PTGER4: variants seen among roughly 807,000 people sequenced by gnomAD.
The protein encoded by PTGER4 is prostaglandin E2 receptor EP4 subtype.
In PTGER4, 11 loss-of-function variants were observed where a neutral mutation model predicts 33.2. The observed-to-expected ratio is 0.33, with a 90% CI of 0.21 to 0.55. PTGER4 has a LOEUF of 0.55. PTGER4 is among the 20% of genes least tolerant of loss of function. The pLI is 0.92. For synonymous variants in PTGER4, 275 were observed against 281.5 expected, an observed-to-expected ratio of 0.98 and a Z score of 0.23; for missense variants, 481 against 650.2, an observed-to-expected ratio of 0.74 and a Z score of 2.83.
rs2111781809 is a variant in PTGER4 at position 40,681,117 on chromosome 5, C to T, written c.124C>T (p.Leu42=). Residue 42 remains leucine, a synonymous_variant, in exon 2 of 3, where the codon CTG becomes TTG. Transcript: ENST00000302472. The surrounding 1 kb of genome is among the most constrained non-coding windows in gnomAD (Gnocchi z 9.8). Reference sequence around the variant, plus strand: ...GGGCAACCTGGTGGCCATCGTGGTGCTGTGCAAGTCGCGCAAGGAGCAGAA... The same window carrying T: ...GGGCAACCTGGTGGCCATCGTGGTGTTGTGCAAGTCGCGCAAGGAGCAGAA... The part of the protein sequence containing the change: ...VVGNLVAIVV[L]CKSRKEQKET... The T allele has an allele frequency of 6.2e-7, 1 of 1,614,148 alleles. No individual in the cohort carries two copies.
At chr5:40,698,309 T>A (rs1334465338), downstream of PTGER4, among the ~76,000 whole-genome samples, 2 of 151,752 alleles carry the variant, frequency 1.3e-5, no homozygotes, top group African/African-American at 2.4e-5. Context: ...ATCATCATCA[T>A]AAACATAGAT....
the PTGER4 span, among the ~76,000 whole-genome samples, chr5:40,710,446 T>C: frequency 6.7e-6 from 1 of 149,900 alleles, no homozygotes; most frequent in Non-Finnish European, 1.5e-5. Flanking sequence ...GGAGAGGATG[T>C]GGAGAAATAG....
At position 40,692,259 on chromosome 5, in the gene PTGER4, A is replaced by T; in HGVS notation, c.1348A>T (p.Ser450Cys). Residue 450 changes from serine (S) to cysteine (C), a missense_variant, in exon 3 of 3, where the codon AGT becomes TGT. By Grantham distance (112) the Ser-to-Cys change is moderately radical (BLOSUM62 -1). This residue lies in a region of PTGER4 where 172 missense variants were observed against 199.2 expected (regional missense o/e 0.86). Coordinates refer to ENST00000302472, the MANE Select transcript of PTGER4 (RefSeq NM_000958.3). ...SDSSQGQDSE[S>C]VLLVDEAGGS... ...CTCTTCACAGGGTCAGGACTCAGAG[A>T]GTGTCTTACTGGTGGATGAGGCTGG... The T allele has an allele frequency of 1.9e-6, 3 of 1,614,226 alleles. No homozygotes were observed. The highest frequency in any genetic ancestry group is 2.5e-6 in the Non-Finnish European group (3 of 1,180,036).
chr5:40,731,889 C>T, the PTGER4 span, among the ~76,000 whole-genome samples: 1 of 152,228 alleles, frequency 6.6e-6, no homozygotes, highest in African/African-American at 2.4e-5. Context: ...GACCACATAG[C>T]AACACTTATA....
At chr5:40,741,403 G>A in the PTGER4 span, among the ~76,000 whole-genome samples, 1 of 152,196 alleles carries the variant, frequency 6.6e-6, no homozygotes, top group African/African-American at 2.4e-5. Context: ...CGCTCTGTAT[G>A]AACGCTACGA....
Position 40,681,036 on chromosome 5 carries a change from G to C in PTGER4, c.43G>C (p.Asp15His), listed in dbSNP as rs774159812. The change falls in exon 2 of 3, where the codon GAC becomes CAC. Residue 15 changes from aspartate (D) to histidine (H), a missense_variant. By Grantham distance (81) the Asp-to-His change is moderately conservative. Coordinates refer to ENST00000302472, the MANE Select transcript of PTGER4 (RefSeq NM_000958.3). The surrounding 1 kb of genome is among the most constrained non-coding windows in gnomAD (Gnocchi z 9.8). ...GVNSSASLSP[D>H]RLNSPVTIPA... ...CAATTCGTCCGCCTCCTTGAGCCCC[G>C]ACCGGCTGAACAGCCCAGTGACCAT... 6.2e-7 allele frequency: 1 copy of C among 1,613,892 alleles called. No homozygotes were observed. Among genetic ancestry groups the C allele is most frequent in the Non-Finnish European group, 8.5e-7 (1 of 1,179,974 alleles).
At chr5:40,720,008 C>G in the PTGER4 span, among the ~76,000 whole-genome samples, 1 of 152,058 alleles carries the variant, frequency 6.6e-6, no homozygotes, top group African/African-American at 2.4e-5. Context: ...ACTTTCTTGA[C>G]AGTAACTTTT....
In PTGER4 at chr5:40,691,822, G is replaced by C; in HGVS notation, c.911G>C (p.Arg304Pro). Residue 304 changes from arginine (R) to proline (P), a missense_variant, in exon 3 of 3, where the codon CGA (arginine) becomes CCA (proline). Arg to Pro is a moderately radical substitution (Grantham distance 103, BLOSUM62 -2). Transcript: ENST00000302472. The surrounding 1 kb of genome is among the most constrained non-coding windows in gnomAD (Gnocchi z 4.2). The part of the protein sequence containing the change: ...VNQLYQPSLE[R>P]EVSKNPDLQA... ...CAGTTATATCAGCCAAGTTTGGAGCGAGAAGTCAGTAAAAATCCAGATTTG... is the reference window on the plus strand; with the variant it reads ...CAGTTATATCAGCCAAGTTTGGAGCCAGAAGTCAGTAAAAATCCAGATTTG... 6.2e-7 allele frequency: 1 copy of C among 1,614,160 alleles called. No homozygotes were observed. The highest frequency in any genetic ancestry group is 1.1e-5 in the South Asian group (1 of 91,084).
the PTGER4 span, among the ~76,000 whole-genome samples, chr5:40,725,979 G>A: frequency 6.6e-6 from 1 of 151,584 alleles, no homozygotes; most frequent in Admixed American, 6.6e-5. Flanking sequence ...TAGAGACGGG[G>A]TTTCACCGTG....
chr5:40,740,764 C>A, the PTGER4 span, among the ~76,000 whole-genome samples: 25 of 152,270 alleles, frequency 1.6e-4, no homozygotes, highest in African/African-American at 6.0e-4. Context: ...ATAGCTCTCC[C>A]AGATTTACTC....
chr5:40,734,538 G>A, the PTGER4 span, among the ~76,000 whole-genome samples: 1 of 152,194 alleles, frequency 6.6e-6, no homozygotes, highest in Non-Finnish European at 1.5e-5. Flanking sequence ...GCCCTATACT[G>A]AGGTAAAGAA....
At chr5:40,728,601 T>TA in the PTGER4 span, 1 of 845,270 alleles carries the variant, frequency 1.2e-6, no homozygotes, top group East Asian at 2.9e-5. Flanking sequence ...CGGTGATTTT[T>TA]ACCCCTTACT....
the PTGER4 span, among the ~76,000 whole-genome samples, chr5:40,738,967 A>G: frequency 4.6e-5 from 7 of 152,284 alleles, no homozygotes; most frequent in East Asian, 1.3e-3. Context: ...AGATATATGG[A>G]CTGGAAATAT....
At chr5:40,697,234 GAAAGAAAGAAAGAA>G (rs372059891), downstream of PTGER4, among the ~76,000 whole-genome samples, 9,562 of 73,578 alleles carry the variant, frequency 0.13, 466 homozygotes, top group Non-Finnish European at 0.13. Context: ...AGAAAAGAAA[GAAAGAAAGAAAGAA>G]AGAAAGAAAG....
chr5:40,707,346 C>G, the PTGER4 span, among the ~76,000 whole-genome samples: 2 of 151,726 alleles, frequency 1.3e-5, no homozygotes, highest in Non-Finnish European at 1.5e-5. Context: ...ATCTACCAAG[C>G]AAATGGAAAA....
the PTGER4 span, among the ~76,000 whole-genome samples, chr5:40,701,673 T>C: frequency 6.6e-6 from 1 of 152,114 alleles, no homozygotes; most frequent in East Asian, 1.9e-4. Context: ...ATTCAGGAAA[T>C]ACAGAGAATT....
At chr5:40,740,858 G>A in the PTGER4 span, among the ~76,000 whole-genome samples, 1 of 152,180 alleles carries the variant, frequency 6.6e-6, no homozygotes, top group Non-Finnish European at 1.5e-5. Flanking sequence ...TATGCTTCTA[G>A]AAGGACCCAG....
In PTGER4 at chr5:40,687,052, T is replaced by C. The variant is rs1741341281; in HGVS notation, c.868-4727T>C. ...GTTTTTTTGTTTTTGTTTTTGTTTT[T>C]GTTTTTGTTTTGAGACGGAGTTTCA... On this transcript the variant is annotated intron_variant, in intron 2 of 2. Transcript: ENST00000302472. Among the ~76,000 whole-genome samples the C allele has an allele frequency of 2.0e-5, 3 of 152,172 alleles. 1 individual carries two copies. The South Asian group carries it at 6.2e-4, about 32-fold the overall frequency.
chr5:40,716,656 TAA>T, the PTGER4 span, among the ~76,000 whole-genome samples: 1 of 152,156 alleles, frequency 6.6e-6, no homozygotes, highest in Non-Finnish European at 1.5e-5. Context: ...GGTGTTGCCC[TAA>T]ACACTGGGGA....
Sources: gnomAD v4.1 joint callset for allele counts (sites outside exome capture counted in the v4.1 genomes callset) on GRCh38, gnomAD v4.1.1 for gene constraint, gnomAD v4.1.1 regional missense constraint, Gnocchi (gnomAD v3.1) non-coding constraint, MANE v1.5 for transcripts, NCBI Gene and HGNC (gene_info 2026-07-23, HGNC 2026-07-21) for gene names.